The following TEX261 variants were observed in gnomAD, a reference collection of about 807,000 sequenced individuals.
The protein encoded by TEX261 is protein TEX261.
Under a neutral mutation model 25.1 loss-of-function variants are expected in TEX261, and 13 were observed. That is an observed-to-expected ratio of 0.52 (90% CI 0.34 to 0.82). The LOEUF (loss-of-function observed/expected upper bound fraction) is 0.82. TEX261 is among the 40% of genes least tolerant of loss of function. The pLI is 0.02. For synonymous variants in TEX261, 92 were observed against 97.8 expected, an observed-to-expected ratio of 0.94 and a Z score of 0.35; for missense variants, 206 against 243.2, an observed-to-expected ratio of 0.85 and a Z score of 1.02.
Position 70,988,354 on chromosome 2 carries a change from C to G in TEX261, c.*246G>C, listed in dbSNP as rs1670229323. On this transcript the variant is annotated 3_prime_UTR_variant, in exon 6 of 6. Transcript: ENST00000272438. ...AAGGGACAGGGGAGGACTGAGGGAC[C>G]TCGGCCTCCTGGCTAAGCAGGCTCT... 2.0e-6 allele frequency: 1 copy of G among 493,028 alleles called. No individual in the cohort carries two copies. Among genetic ancestry groups the G allele is most frequent in the South Asian group, 2.2e-5 (1 of 46,346 alleles). The allele number at this position is 493,028 out of a possible 1,614,324, so 30.5% of individuals were successfully genotyped here.
chr2:70,993,606 C>T, intron 2 of TEX261, 90 bp downstream of exon 2: 1 of 1,022,146 alleles, frequency 9.8e-7, no homozygotes, highest in Non-Finnish European at 1.5e-6. Flanking sequence ...GAGACACAGG[C>T]CTCATCATCC....
chr2:70,992,492 G>A (rs1553425755), intron 2 of TEX261, among the ~76,000 whole-genome samples: 1 of 152,154 alleles, frequency 6.6e-6, no homozygotes, highest in African/African-American at 2.4e-5. Context: ...CACTTTGGGA[G>A]GCCAAGGCAG....
rs1670238883 is a variant in TEX261 at position 70,988,630 on chromosome 2, G to A, written c.561C>T (p.Ala187=). ...ATATCTTCTGACGACTGGGTAGAAT[G>A]GCCTCTTTGATGAAGGAGAAGACAA... ...ILVVFSFIKE[A]ILPSRQKIY The change falls in exon 6 of 6, where the codon GCC becomes GCT. Residue 187 remains alanine, a synonymous_variant. Transcript: ENST00000272438. 2 of 1,614,146 alleles carry A rather than the reference G, an allele frequency of 1.2e-6. No individual in the cohort carries two copies. The highest frequency in any genetic ancestry group is 1.7e-6 in the Non-Finnish European group (2 of 1,180,000).
In TEX261 at chr2:70,987,744, A is replaced by G. The variant is rs782158118; in HGVS notation, c.*856T>C. On this transcript the variant is annotated 3_prime_UTR_variant, in exon 6 of 6. Coordinates refer to ENST00000272438, the MANE Select transcript of TEX261 (RefSeq NM_144582.3). ...TGTTTCTCCTTGAGCCTAAGATAGT[A>G]TTCAGCCAGAAACCACTCCTTTTCC... 2 of 152,228 alleles carry G rather than the reference A, an allele frequency of 1.3e-5. No individual in the cohort carries two copies. The highest frequency in any genetic ancestry group is 2.9e-5 in the Non-Finnish European group (2 of 68,040). 9.4% of individuals were successfully genotyped at this position (152,228 alleles called of 1,614,324 possible). A position where few individuals can be genotyped will look rare whatever the true frequency, so the allele number is the denominator to read the frequency against.
At position 70,989,775 on chromosome 2, in the gene TEX261, C is replaced by A; in HGVS notation, c.346G>T (p.Ala116Ser). ...VNHYLAFQFFAEEYYPFSEVL... is the reference protein window; with the variant it reads ...VNHYLAFQFFSEEYYPFSEVL... ...TCTGAGAAGGGATAATATTCTTCTG[C>A]AAAAAACTGAAATGCTAGGTAATGA... is the stretch of plus-strand genomic sequence containing the variant. The change falls in exon 4 of 6, where the codon GCA becomes TCA. Residue 116 changes from alanine to serine, a missense_variant. Transcript: ENST00000272438. The A allele has an allele frequency of 1.2e-6, 2 of 1,613,354 alleles. No homozygotes were observed. Among genetic ancestry groups the A allele is most frequent in the Non-Finnish European group, 1.7e-6 (2 of 1,179,314 alleles).
intron 3 of TEX261, 23 bp from the exon 4 acceptor site, chr2:70,989,839 GTCA>G: frequency 6.4e-7 from 1 of 1,574,654 alleles, no homozygotes; most frequent in Non-Finnish European, 8.7e-7. Context: ...TGAAGAGTCA[GTCA>G]GTTTAAGGGG....
At chr2:70,991,705 A>G in intron 3 of TEX261, 125 bp downstream of exon 3, 2 of 1,203,470 alleles carry the variant, frequency 1.7e-6, no homozygotes, top group Non-Finnish European at 2.3e-6. Context: ...CATCTTCCCA[A>G]CTAGCCTGGC....
rs371993080 is a variant in TEX261, at chr2:70,988,574, C to A, written c.*26G>T. 1.4e-5 allele frequency: 22 copies of A among 1,564,410 alleles called. No individual in the cohort carries two copies. The highest frequency in any genetic ancestry group is 1.4e-4 in the African/African-American group (10 of 73,900). ...CAGGGGCCTGACTCTCCTGATCTTG[C>A]CCCCCACATCCTGCCTGCATGGGGG... On this transcript the variant is annotated 3_prime_UTR_variant, in exon 6 of 6. Coordinates refer to ENST00000272438, the MANE Select transcript of TEX261 (RefSeq NM_144582.3).
rs191113874 is a variant in TEX261, at chr2:70,989,867, G to A, written c.305-51C>T. On this transcript the variant is annotated intron_variant, in intron 3 of 5. Transcript: ENST00000272438. ...AGTTTAAGGGGAATAACAGAAAGCT[G>A]TACTTTTAACTTCAAAAGGCCCTCA... The A allele has an allele frequency of 1.2e-5, 17 of 1,437,176 alleles. No individual in the cohort carries two copies. In the East Asian group the frequency reaches 1.8e-4, roughly 15 times the overall value. 89.0% of individuals were successfully genotyped at this position (1,437,176 alleles called of 1,614,324 possible). A position where few individuals can be genotyped will look rare whatever the true frequency, so the allele number is the denominator to read the frequency against.
rs1553424946 is a variant in TEX261 at position 70,986,668 on chromosome 2, G to T, written c.*1932C>A. 1 of 152,600 alleles carries T rather than the reference G, an allele frequency of 6.6e-6. No homozygotes were observed. The highest frequency in any genetic ancestry group is 2.4e-5 in the African/African-American group (1 of 41,422). 9.5% of individuals were successfully genotyped at this position (152,600 alleles called of 1,614,324 possible). On this transcript the variant is annotated 3_prime_UTR_variant, in exon 6 of 6. Transcript: ENST00000272438. ...CAAGGGAAGTACCCAGAAGGGGCAGGTTTGCAGAAGACAGCAAGTACCATC... is the reference window on the plus strand; with the variant it reads ...CAAGGGAAGTACCCAGAAGGGGCAGTTTTGCAGAAGACAGCAAGTACCATC...
At chr2:70,990,231 G>A (rs111990193) in intron 3 of TEX261, among the ~76,000 whole-genome samples, 6 of 151,156 alleles carry the variant, frequency 4.0e-5, no homozygotes, top group Admixed American at 6.6e-5. Flanking sequence ...CAAGGAGAAG[G>A]CCTGCTCAAA....
intron 3 of TEX261, 134 bp downstream of exon 3, chr2:70,991,696 A>T (rs1349250277): frequency 9.2e-7 from 1 of 1,091,056 alleles, no homozygotes; most frequent in South Asian, 1.6e-5. Context: ...TAAGAACCGC[A>T]TCTTCCCAAC....
intron 2 of TEX261, among the ~76,000 whole-genome samples, chr2:70,993,097 G>A (rs1295564227): frequency 6.6e-6 from 1 of 152,176 alleles, no homozygotes; most frequent in Non-Finnish European, 1.5e-5. Context: ...CGACTTGAGG[G>A]GCTGTGGACG....
In TEX261 at chr2:70,987,178, T is replaced by C. The variant is rs1046084091; in HGVS notation, c.*1422A>G. 6.6e-6 allele frequency: 1 copy of C among 152,196 alleles called. No homozygotes were observed. The highest frequency in any genetic ancestry group is 2.4e-5 in the African/African-American group (1 of 41,428). 9.4% of individuals were successfully genotyped at this position (152,196 alleles called of 1,614,324 possible). Reference sequence around the variant, plus strand: ...GATGATGCAGGCTGCCAGTATCCCCTGCCTTGTCTATCCTGGTGTGCATAG... The same window carrying C: ...GATGATGCAGGCTGCCAGTATCCCCCGCCTTGTCTATCCTGGTGTGCATAG... On this transcript the variant is annotated 3_prime_UTR_variant, in exon 6 of 6. Coordinates refer to ENST00000272438, the MANE Select transcript of TEX261 (RefSeq NM_144582.3).
chr2:70,994,289 A>T (rs1177120903), intron 1 of TEX261, among the ~76,000 whole-genome samples: 1 of 152,272 alleles, frequency 6.6e-6, no homozygotes, highest in Admixed American at 6.5e-5. Context: ...AATGGGAACC[A>T]GCCAGAGGAG....
At chr2:70,989,961 A>G in intron 3 of TEX261, 145 bp from the exon 4 acceptor site, 1 of 641,124 alleles carries the variant, frequency 1.6e-6, no homozygotes, top group Middle Eastern at 2.5e-4. Flanking sequence ...TACTGCCTAG[A>G]ACCGTTTCCC....
chr2:70,992,670 G>A (rs143449749), intron 2 of TEX261, among the ~76,000 whole-genome samples: 3,574 of 151,554 alleles, frequency 0.024, 148 homozygotes, highest in African/African-American at 0.081. Context: ...CAGAGGTTGC[G>A]GTGAGCTGAG....
chr2:70,993,795 G>A lies in TEX261; in HGVS notation c.71-20C>T, dbSNP rs1553425920. On this transcript the variant is annotated intron_variant, in intron 1 of 5. Transcript: ENST00000272438. The stretch of plus-strand genomic sequence containing the variant: ...CAGCCGCTGCAGGGTGGGAGGCAGG[G>A]AGACTATCAGCCAGGGTCACTCCCA... 4 of 1,601,686 alleles carry A rather than the reference G, an allele frequency of 2.5e-6. No homozygotes were observed. Among genetic ancestry groups the A allele is most frequent in the South Asian group, 1.1e-5 (1 of 90,752 alleles).
intron 5 of TEX261, 67 bp from the exon 6 acceptor site, chr2:70,988,782 GA>G: frequency 1.3e-6 from 2 of 1,533,698 alleles, no homozygotes; most frequent in Non-Finnish European, 1.8e-6. Context: ...GCATGTGTGT[GA>G]ACACGGCCCT....
Sources: gnomAD v4.1 joint callset for allele counts (sites outside exome capture counted in the v4.1 genomes callset) on GRCh38, gnomAD v4.1.1 for gene constraint, MANE v1.5 for transcripts, NCBI Gene and HGNC (gene_info 2026-07-23, HGNC 2026-07-21) for gene names.